The following CACNA1D variants were observed in gnomAD, a reference collection of about 807,000 sequenced individuals.
The protein encoded by CACNA1D is calcium voltage-gated channel subunit alpha1 D.
CACNA1D carries 55 observed loss-of-function variants against 257.1 expected under a neutral mutation model. The ratio of observed to expected loss-of-function variants is 0.21; its 90% CI spans 0.17 to 0.27. CACNA1D has a LOEUF of 0.27. CACNA1D is among the 10% of genes least tolerant of loss of function. The pLI is 1.00. For missense variants in CACNA1D, 1,876 were observed against 2,784.0 expected, an observed-to-expected ratio of 0.67 and a Z score of 7.34; for synonymous variants, 980 against 1,014.9, an observed-to-expected ratio of 0.97 and a Z score of 0.65.
chr3:53,643,098 T>C (rs933455836), intron 3 of CACNA1D, among the ~76,000 whole-genome samples: 16 of 152,190 alleles, frequency 1.1e-4, no homozygotes, highest in African/African-American at 3.9e-4. Context: ...CTGTCGAGAC[T>C]AGCATTAGAC....
intron 3 of CACNA1D, among the ~76,000 whole-genome samples, chr3:53,609,081 T>C (rs2107940346): frequency 2.0e-5 from 3 of 152,292 alleles, no homozygotes; most frequent in Middle Eastern, 6.8e-3. Context: ...AAATGGAGTC[T>C]GGAGTTCTCT....
At chr3:53,767,905 T>G (rs1440158333) in intron 30 of CACNA1D, among the ~76,000 whole-genome samples, 2 of 152,166 alleles carry the variant, frequency 1.3e-5, no homozygotes, top group African/African-American at 4.8e-5. Flanking sequence ...GCACTGAGGG[T>G]GCATGAAGCC....
intron 3 of CACNA1D, among the ~76,000 whole-genome samples, chr3:53,649,097 C>T (rs746353944): frequency 1.2e-4 from 19 of 152,200 alleles, no homozygotes; most frequent in Non-Finnish European, 1.5e-4. Flanking sequence ...CTGGCACGGC[C>T]GGTGACAGAG....
chr3:53,702,927 C>A, intron 9 of CACNA1D, 117 bp downstream of exon 9: 2 of 1,055,496 alleles, frequency 1.9e-6, no homozygotes, highest in African/African-American at 1.6e-5. Flanking sequence ...TCCTCCCAGC[C>A]ATCTGGTCCC....
intron 3 of CACNA1D, among the ~76,000 whole-genome samples, chr3:53,590,078 C>T (rs915388385): frequency 2.0e-5 from 3 of 152,254 alleles, no homozygotes; most frequent in Non-Finnish European, 4.4e-5. Context: ...CTTTTCATCA[C>T]TTCTGTGCAG....
Position 53,811,158 on chromosome 3 carries a change from T to C in CACNA1D, c.6238T>C (p.Phe2080Leu), listed in dbSNP as rs762624826. Reference protein sequence around the residue: ...GLGRYARDPKFVSATKHEIAD... With the variant: ...GLGRYARDPKLVSATKHEIAD... ...GGGACGCTATGCAAGGGACCCAAAA[T>C]TTGTGTCAGCAACAAAACACGAAAT... The change falls in exon 48 of 48, where the codon TTT becomes CTT. Residue 2080 changes from phenylalanine (F) to leucine (L), a missense_variant. Around this residue, in one of 10 missense-constraint regions of CACNA1D, gnomAD observed 491 missense variants for 554.3 expected, o/e 0.89. Transcript: ENST00000350061. The surrounding 1 kb of genome is among the most constrained non-coding windows in gnomAD (Gnocchi z 4.2). 1.9e-6 allele frequency: 3 copies of C among 1,614,088 alleles called. No homozygotes were observed. In the East Asian group the frequency reaches 6.7e-5, roughly 36 times the overall value.
chr3:53,766,779 A>G (rs1181667627), intron 30 of CACNA1D, among the ~76,000 whole-genome samples: 2 of 152,156 alleles, frequency 1.3e-5, no homozygotes, highest in East Asian at 3.8e-4. Context: ...AGAATGTGAC[A>G]TCTTAGGGTG....
At chr3:53,639,849 T>C (rs191771513) in intron 3 of CACNA1D, among the ~76,000 whole-genome samples, 141 of 148,570 alleles carry the variant, frequency 9.5e-4, no homozygotes, top group African/African-American at 3.1e-3. Flanking sequence ...AAATGTTCAC[T>C]CATTTCTTAC....
In CACNA1D at chr3:53,790,479, C is replaced by T. The variant is rs192624529; in HGVS notation, c.4923+3527C>T. 1.6e-3 allele frequency among the ~76,000 whole-genome samples: 248 copies of T among 152,368 alleles called. 1 individual carries two copies. Among genetic ancestry groups the T allele is most frequent in the Admixed American group, 2.8e-3 (43 of 15,310 alleles). ...ATCCGAGGACACTATGTCCCCCACT[C>T]ATCCCAGATGGGAGCCTTTCCATCT... On this transcript the variant is annotated intron_variant, in intron 40 of 47. Coordinates refer to ENST00000350061, the MANE Select transcript of CACNA1D (RefSeq NM_001128840.3).
Position 53,800,218 on chromosome 3 carries a change from C to G in CACNA1D, c.4924-31C>G. 6.7e-7 allele frequency: 1 copy of G among 1,498,492 alleles called. No individual in the cohort carries two copies. The highest frequency in any genetic ancestry group is 9.3e-7 in the Non-Finnish European group (1 of 1,074,384). 92.8% of individuals were successfully genotyped at this position (1,498,492 alleles called of 1,614,324 possible). A position where few individuals can be genotyped will look rare whatever the true frequency, so the allele number is the denominator to read the frequency against. The stretch of plus-strand genomic sequence containing the variant: ...GCTGGCCCCAGGGCCCATGTGTGGT[C>G]TAACCTGTTCTGCCATTTTCATTGA... On this transcript the variant is annotated intron_variant, in intron 40 of 47. Transcript: ENST00000350061. This position sits in a 1 kb window ranked among gnomAD's most constrained non-coding sequence, Gnocchi z 4.3.
chr3:53,770,154 A>T, intron 31 of CACNA1D, 137 bp downstream of exon 31: 1 of 819,214 alleles, frequency 1.2e-6, no homozygotes, highest in Non-Finnish European at 2.1e-6. Context: ...TGCATTCATC[A>T]TCAGTGTCCA....
chr3:53,772,157 G>A (rs2109012917), intron 32 of CACNA1D, among the ~76,000 whole-genome samples: 1 of 152,274 alleles, frequency 6.6e-6, no homozygotes, highest in Non-Finnish European at 1.5e-5. Context: ...ACTTGTATTT[G>A]GTGTTTATGA....
chr3:53,666,261 A>G (rs1420134665), intron 6 of CACNA1D, 78 bp from the exon 7 acceptor site: 1 of 1,376,974 alleles, frequency 7.3e-7, no homozygotes, highest in Non-Finnish European at 1.0e-6. Context: ...GGCTCTGGCA[A>G]GGGTTCTCAC....
At chr3:53,635,185 T>G (rs2093867911) in intron 3 of CACNA1D, among the ~76,000 whole-genome samples, 1 of 152,164 alleles carries the variant, frequency 6.6e-6, no homozygotes, top group Non-Finnish European at 1.5e-5. Flanking sequence ...AAGAAGTGTG[T>G]GTGCACCTGA....
At position 53,776,617 on chromosome 3, in the gene CACNA1D, T is replaced by G. The variant is rs753022333; in HGVS notation, c.4377T>G (p.Phe1459Leu). The G allele has an allele frequency of 6.2e-7, 1 of 1,614,262 alleles. No individual in the cohort carries two copies. The highest frequency in any genetic ancestry group is 1.1e-5 in the South Asian group (1 of 91,088). Residue 1459 changes from phenylalanine (F) to leucine (L), a missense_variant, in exon 36 of 48, where the codon TTT becomes TTG. Coordinates refer to ENST00000350061, the MANE Select transcript of CACNA1D (RefSeq NM_001128840.3). ...MLCAFLIINLFVAVIMDNFDY... is the reference protein window; with the variant it reads ...MLCAFLIINLLVAVIMDNFDY... ...TGCTTTTTCAGATCATCAATCTGTT[T>G]GTGGCTGTCATCATGGATAATTTCG...
chr3:53,539,373 G>T (rs1401501420), intron 3 of CACNA1D, among the ~76,000 whole-genome samples: 1 of 152,180 alleles, frequency 6.6e-6, no homozygotes. Flanking sequence ...CTCCCAAAGT[G>T]CTGGGATTAC....
At chr3:53,595,678 C>T (rs1186523183) in intron 3 of CACNA1D, among the ~76,000 whole-genome samples, 3 of 152,156 alleles carry the variant, frequency 2.0e-5, no homozygotes, top group Non-Finnish European at 2.9e-5. Context: ...CTACTGACAC[C>T]TGCCTGACCT....
Position 53,811,367 on chromosome 3 carries a change from G to A in CACNA1D, c.6447G>A (p.Glu2149=). ...AGCCAGACCCTGGGAGGGATGAGGA[G>A]GACCTGGCGGATGAAATGATATGCA... ...DEEPDPGRDE[E]DLADEMICIT... Residue 2149 remains glutamate (E), a synonymous_variant, in exon 48 of 48, where the codon GAG becomes GAA. Coordinates refer to ENST00000350061, the MANE Select transcript of CACNA1D (RefSeq NM_001128840.3). This position sits in a 1 kb window ranked among gnomAD's most constrained non-coding sequence, Gnocchi z 4.2. 2 of 1,585,478 alleles carry A rather than the reference G, an allele frequency of 1.3e-6. No individual in the cohort carries two copies. Among genetic ancestry groups the A allele is most frequent in the Non-Finnish European group, 1.7e-6 (2 of 1,162,676 alleles).
At chr3:53,502,058 T>C (rs947175653) in intron 3 of CACNA1D, among the ~76,000 whole-genome samples, 1 of 151,706 alleles carries the variant, frequency 6.6e-6, no homozygotes, top group Non-Finnish European at 1.5e-5. Context: ...TTTTCTTTTT[T>C]TTTTTTTGTT....
Sources: gnomAD v4.1 joint callset for allele counts (sites outside exome capture counted in the v4.1 genomes callset) on GRCh38, gnomAD v4.1.1 for gene constraint, gnomAD v4.1.1 regional missense constraint, Gnocchi (gnomAD v3.1) non-coding constraint, MANE v1.5 for transcripts, NCBI Gene and HGNC (gene_info 2026-07-23, HGNC 2026-07-21) for gene names.